The following ABCC9 variants were observed in gnomAD, a reference collection of about 807,000 sequenced individuals.
ABCC9 encodes ATP-binding cassette sub-family C member 9.
A neutral mutation model predicts 188.3 loss-of-function variants in ABCC9; 95 were observed. The observed-to-expected ratio is 0.50, with a 90% CI of 0.43 to 0.60. ABCC9 has a LOEUF of 0.60. ABCC9 is among the 20% of genes least tolerant of loss of function. The pLI, the probability that ABCC9 is intolerant of heterozygous loss-of-function variation, is 0.00. For missense variants in ABCC9, 1,102 were observed against 1,876.3 expected (o/e 0.59, Z 7.62); for synonymous variants, 659 against 652.7 (o/e 1.01, Z -0.15).
Position 21,860,951 on chromosome 12 carries a change from T to G in ABCC9, c.2424+20A>C, listed in dbSNP as rs781498698. ...TTCTAGATTTTTGTTCATTGCTTAA[T>G]GAAACTATATATAGCTCACCCTCTC... On this transcript the variant is annotated intron_variant, in intron 21 of 39. Coordinates refer to ENST00000261200, the MANE Select transcript of ABCC9 (RefSeq NM_020297.4). 25 of 1,582,564 alleles carry G rather than the reference T, an allele frequency of 1.6e-5. No individual in the cohort carries two copies. The South Asian group carries it at 2.4e-4, about 15-fold the overall frequency.
In ABCC9 at chr12:21,906,305, G is replaced by A. The variant is rs1948044468; in HGVS notation, c.1456-17C>T. 3.8e-6 allele frequency: 6 copies of A among 1,597,126 alleles called. No homozygotes were observed. The highest frequency in any genetic ancestry group is 4.3e-6 in the Non-Finnish European group (5 of 1,170,084). On this transcript the variant is annotated splice_polypyrimidine_tract_variant and intron_variant, in intron 11 of 39. Coordinates refer to ENST00000261200, the MANE Select transcript of ABCC9 (RefSeq NM_020297.4). ...GGAATAATCCTATAAAACAAAGGAAGAAAAATAATACCAGCTGCATCCAAG... is the reference window on the plus strand; with the variant it reads ...GGAATAATCCTATAAAACAAAGGAAAAAAAATAATACCAGCTGCATCCAAG...
intron 18 of ABCC9, among the ~76,000 whole-genome samples, chr12:21,870,464 C>A (rs1946014887): frequency 6.6e-6 from 1 of 152,050 alleles, no homozygotes; most frequent in South Asian, 2.1e-4. Context: ...CACTATGTTG[C>A]CCAGGCTGGT....
At position 21,941,026 on chromosome 12, in the gene ABCC9, C is replaced by A. The variant is rs558757282; in HGVS notation, c.-137+174G>T. Among the ~76,000 whole-genome samples the A allele has an allele frequency of 6.6e-6, 1 of 152,290 alleles. No individual in the cohort carries two copies. Among genetic ancestry groups the A allele is most frequent in the South Asian group, 2.1e-4 (1 of 4,824 alleles). ...ATCCCCACCCCTTCACTTCTCGAGC[C>A]GGGCCTCGTCCCTTAATTCTAGAAA... On this transcript the variant is annotated intron_variant, in intron 1 of 39. Transcript: ENST00000261200. The surrounding 1 kb of genome is among the most constrained non-coding windows in gnomAD (Gnocchi z 5.4).
At chr12:21,815,610 C>T (rs1261618108) in intron 34 of ABCC9, among the ~76,000 whole-genome samples, 153 bp downstream of exon 34, 8 of 152,136 alleles carry the variant, frequency 5.3e-5, no homozygotes, top group Admixed American at 6.5e-5. Context: ...CTGATCCTAT[C>T]TCTCCCTTTT....
rs896952307 is a variant in ABCC9 at position 21,800,373 on chromosome 12, CT to C, written c.*670del. ...ATGCCTGATATCTTAAGAATTCTCT[CT>C]TTACAGGACAGGAAAAAATGAAAAT... On this transcript the variant is annotated 3_prime_UTR_variant, in exon 40 of 40. Transcript: ENST00000261200. 3 of 152,202 alleles carry C rather than the reference CT, an allele frequency of 2.0e-5. No individual in the cohort carries two copies. The highest frequency in any genetic ancestry group is 7.2e-5 in the African/African-American group (3 of 41,432). 9.4% of individuals were successfully genotyped at this position (152,202 alleles called of 1,614,324 possible). A position where few individuals can be genotyped will look rare whatever the true frequency, so the allele number is the denominator to read the frequency against.
chr12:21,861,894 T>C (rs566739755), intron 20 of ABCC9, among the ~76,000 whole-genome samples: 3 of 152,020 alleles, frequency 2.0e-5, no homozygotes, highest in Admixed American at 6.6e-5. Context: ...ACAAGGGAGA[T>C]AGTGAGGACT....
At chr12:21,852,058 G>T in intron 24 of ABCC9, 39 bp downstream of exon 24, 1 of 1,611,946 alleles carries the variant, frequency 6.2e-7, no homozygotes. Flanking sequence ...TAACTCTTCT[G>T]AATTGGGCTC....
chr12:21,933,724 T>G lies in ABCC9; in HGVS notation c.284+58A>C, dbSNP rs550609561. ...CACAAGTTACAAAGATGTGAACTTG[T>G]GTAATCAATATACCCACTGGTATAC... On this transcript the variant is annotated intron_variant, in intron 4 of 39. Transcript: ENST00000261200. 4 of 1,593,052 alleles carry G rather than the reference T, an allele frequency of 2.5e-6. No individual in the cohort carries two copies. The East Asian group carries it at 9.0e-5, about 36-fold the overall frequency.
At chr12:21,828,018 T>C (rs1943486744) in intron 31 of ABCC9, among the ~76,000 whole-genome samples, 1 of 152,242 alleles carries the variant, frequency 6.6e-6, no homozygotes, top group Non-Finnish European at 1.5e-5. Flanking sequence ...TTTTCTGTTG[T>C]GTTTTGAAAG....
chr12:21,932,299 T>G (rs1409151115), intron 4 of ABCC9, among the ~76,000 whole-genome samples: 1 of 151,894 alleles, frequency 6.6e-6, no homozygotes, highest in Non-Finnish European at 1.5e-5. Context: ...ATATGGGTTT[T>G]TAAAACTATA....
At chr12:21,844,346 G>A (rs1015341336) in intron 28 of ABCC9, 137 bp downstream of exon 28, 1 of 717,156 alleles carries the variant, frequency 1.4e-6, no homozygotes, top group African/African-American at 1.8e-5. Context: ...TGCATGTATT[G>A]ATACAAATAC....
At chr12:21,831,640 A>C (rs1050371956) in intron 30 of ABCC9, among the ~76,000 whole-genome samples, 2 of 152,186 alleles carry the variant, frequency 1.3e-5, no homozygotes, top group Non-Finnish European at 2.9e-5. Context: ...AGGGTTAAGC[A>C]AGGTGTCACA....
intron 31 of ABCC9, among the ~76,000 whole-genome samples, chr12:21,819,046 A>C (rs890396020): frequency 1.3e-5 from 2 of 152,152 alleles, no homozygotes; most frequent in African/African-American, 4.8e-5. Context: ...TCTTTTCCAA[A>C]ATTAAAACAA....
chr12:21,930,042 T>G (rs1949216131), intron 4 of ABCC9, among the ~76,000 whole-genome samples: 1 of 145,854 alleles, frequency 6.9e-6, no homozygotes, highest in African/African-American at 2.5e-5. Context: ...GTCCAAGTGT[T>G]CTCATTGTTC....
chr12:21,881,530 G>A (rs1346662309), intron 16 of ABCC9, among the ~76,000 whole-genome samples: 1 of 152,060 alleles, frequency 6.6e-6, no homozygotes, highest in Non-Finnish European at 1.5e-5. Flanking sequence ...TCCTACTATA[G>A]TGAACAGAAA....
intron 31 of ABCC9, chr12:21,828,566 C>T: frequency 3.4e-6 from 1 of 293,966 alleles, no homozygotes; most frequent in Admixed American, 4.7e-5. Context: ...ACATGACCCT[C>T]CACTGGCTTA....
At chr12:21,887,564 A>G (rs1004869517) in intron 15 of ABCC9, among the ~76,000 whole-genome samples, 10 of 152,154 alleles carry the variant, frequency 6.6e-5, no homozygotes, top group South Asian at 2.1e-4. Flanking sequence ...ATACATTTGG[A>G]GTAAGCAAAC....
At chr12:21,804,163 G>A (rs886229641) in intron 39 of ABCC9, among the ~76,000 whole-genome samples, 47 of 151,976 alleles carry the variant, frequency 3.1e-4, no homozygotes, top group African/African-American at 8.9e-4. Flanking sequence ...TCACATGAGT[G>A]GTTTTGAAAT....
In ABCC9 at chr12:21,845,739, G is replaced by C; in HGVS notation, c.2960C>G (p.Thr987Arg). The change falls in exon 26 of 40, where the codon ACA (threonine) becomes AGA (arginine). Residue 987 changes from threonine (T) to arginine (R), a missense_variant. Transcript: ENST00000261200. The stretch of plus-strand genomic sequence containing the variant: ...GATGAGCAGGAAGAATCCTCCAGAT[G>C]TCAGGTAGCGCCAGCAGGTTTTCCA... ...MPWKTCWRYL[T>R]SGGFFLLILM... The C allele has an allele frequency of 6.2e-7, 1 of 1,613,906 alleles. No homozygotes were observed. The highest frequency in any genetic ancestry group is 1.3e-5 in the African/African-American group (1 of 75,030).
Sources: allele counts gnomAD v4.1 joint callset (sites outside exome capture counted in the v4.1 genomes callset), GRCh38; gene constraint gnomAD v4.1.1; non-coding constraint Gnocchi (gnomAD v3.1); transcripts MANE v1.5; gene names NCBI Gene and HGNC (gene_info 2026-07-23, HGNC 2026-07-21).